B4GALNT3: variants seen among roughly 807,000 people sequenced by gnomAD.
B4GALNT3 encodes the protein beta-1,4-N-acetylgalactosaminyltransferase 3.
In B4GALNT3, 86 loss-of-function variants were observed where a neutral mutation model predicts 120.2. The ratio of observed to expected loss-of-function variants is 0.72; its 90% CI spans 0.60 to 0.86. The LOEUF (loss-of-function observed/expected upper bound fraction) is 0.86. B4GALNT3 is among the 40% of genes least tolerant of loss of function. B4GALNT3 has a pLI of 0.00. For synonymous variants in B4GALNT3, 518 were observed against 510.4 expected (o/e 1.01, Z -0.20); for missense variants, 1,167 against 1,298.9 (o/e 0.90, Z 1.56).
Position 548,473 on chromosome 12 carries a change from C to G in B4GALNT3, c.853+176C>G, listed in dbSNP as rs1362394170. On this transcript the variant is annotated intron_variant, in intron 9 of 19. Transcript: ENST00000266383. This position sits in a 1 kb window ranked among gnomAD's most constrained non-coding sequence, Gnocchi z 4.9. ...CCTTATGACCAGGAGTCCTTAACTCCCCAGGGTCAGTGACCCCTTTGAGAA... is the reference window on the plus strand; with the variant it reads ...CCTTATGACCAGGAGTCCTTAACTCGCCAGGGTCAGTGACCCCTTTGAGAA... 6.6e-6 allele frequency among the ~76,000 whole-genome samples: 1 copy of G among 152,130 alleles called. No homozygotes were observed. Among genetic ancestry groups the G allele is most frequent in the East Asian group, 1.9e-4 (1 of 5,192 alleles).
rs747899259 is a variant in B4GALNT3 at position 561,293 on chromosome 12, C to T, written c.2889-50C>T. Reference sequence around the variant, plus strand: ...CTGTGGTCGATGGGGAGGGGCCCCCCAGCTGCCTTCTGTGCTTCTGTTGGC... The same window carrying T: ...CTGTGGTCGATGGGGAGGGGCCCCCTAGCTGCCTTCTGTGCTTCTGTTGGC... On this transcript the variant is annotated intron_variant, in intron 19 of 19. Coordinates refer to ENST00000266383, the MANE Select transcript of B4GALNT3 (RefSeq NM_173593.4). 1.0e-5 allele frequency: 15 copies of T among 1,485,716 alleles called. No individual in the cohort carries two copies. In the South Asian group the frequency reaches 1.6e-4, roughly 16 times the overall value. The allele number at this position is 1,485,716 out of a possible 1,614,324, so 92.0% of individuals were successfully genotyped here.
chr12:460,394 C>T lies in B4GALNT3; in HGVS notation c.18C>T (p.Ala6=), dbSNP rs1362045165. MGSPR[A]ARPPLLLRPV... ...GCAGCGCCATGGGGAGCCCCCGGGC[C>T]GCGCGGCCCCCGCTGCTCCTGCGCC... Residue 6 remains alanine, a synonymous_variant, in exon 1 of 20, where the codon GCC becomes GCT. Transcript: ENST00000266383. The surrounding 1 kb of genome is among the most constrained non-coding windows in gnomAD (Gnocchi z 8.0). 1.4e-6 allele frequency: 2 copies of T among 1,479,568 alleles called. No individual in the cohort carries two copies. The highest frequency in any genetic ancestry group is 1.8e-6 in the Non-Finnish European group (2 of 1,116,712). 91.7% of individuals were successfully genotyped at this position (1,479,568 alleles called of 1,614,324 possible). A position where few individuals can be genotyped will look rare whatever the true frequency, so the allele number is the denominator to read the frequency against.
chr12:496,424 ACC>A (rs1356808493), intron 1 of B4GALNT3, among the ~76,000 whole-genome samples: 1 of 152,060 alleles, frequency 6.6e-6, no homozygotes, highest in Non-Finnish European at 1.5e-5. Context: ...ACATGGTGAA[ACC>A]CCGTATCTAC....
chr12:522,940 TTAAA>T (rs142478285), intron 1 of B4GALNT3, among the ~76,000 whole-genome samples: 2,233 of 77,046 alleles, frequency 0.029, 96 homozygotes, highest in African/African-American at 0.087. Flanking sequence ...GAGACTCTGT[TTAAA>T]AAAAAAAAAA....
chr12:548,123 G>C lies in B4GALNT3; in HGVS notation c.786+21G>C. 6.2e-7 allele frequency: 1 copy of C among 1,612,314 alleles called. No individual in the cohort carries two copies. The highest frequency in any genetic ancestry group is 1.1e-5 in the South Asian group (1 of 91,030). On this transcript the variant is annotated intron_variant, in intron 8 of 19. Transcript: ENST00000266383. The surrounding 1 kb of genome is among the most constrained non-coding windows in gnomAD (Gnocchi z 4.9). ...TTGCAGTGAGTTTCCTGCTGCTCCC[G>C]CCTCTCCCAGCTCAGTTCCTGGCAC...
intron 1 of B4GALNT3, among the ~76,000 whole-genome samples, chr12:485,674 C>T (rs796707212): frequency 9.9e-5 from 15 of 152,262 alleles, no homozygotes; most frequent in Admixed American, 3.3e-4. Flanking sequence ...TATGATTTAT[C>T]GACACTCACG....
At chr12:542,480 G>C (rs188946276) in intron 3 of B4GALNT3, among the ~76,000 whole-genome samples, 1 of 152,216 alleles carries the variant, frequency 6.6e-6, no homozygotes, top group African/African-American at 2.4e-5. Flanking sequence ...TGGGCATGGC[G>C]GGGAGGCCAG....
Position 550,994 on chromosome 12 carries a change from A to AT in B4GALNT3, c.1071dup (p.Gly358TrpfsTer22), listed in dbSNP as rs1260642945. 6.2e-7 allele frequency: 1 copy of AT among 1,613,876 alleles called. No individual in the cohort carries two copies. The highest frequency in any genetic ancestry group is 2.2e-5 in the East Asian group (1 of 44,898). ...CCCTACAAACCCAGCTATCTGGTGG[A>AT]TGGGCTTCCTCTGCAGCGCTACCAG... On this transcript the variant is annotated frameshift_variant, in exon 11 of 20. Transcript: ENST00000266383. LOFTEE classifies it high-confidence loss of function. The surrounding 1 kb of genome is among the most constrained non-coding windows in gnomAD (Gnocchi z 4.1).
intron 1 of B4GALNT3, among the ~76,000 whole-genome samples, chr12:484,359 G>A (rs985130208): frequency 6.6e-6 from 1 of 152,186 alleles, no homozygotes; most frequent in African/African-American, 2.4e-5. Context: ...GTTGGCACGT[G>A]CCACGGTTAT....
At chr12:494,954 A>C (rs1222402754) in intron 1 of B4GALNT3, among the ~76,000 whole-genome samples, 4 of 152,198 alleles carry the variant, frequency 2.6e-5, no homozygotes, top group African/African-American at 9.7e-5. Flanking sequence ...CAAGTGAGGA[A>C]ACCTGGGTAT....
At chr12:462,740 T>A (rs1036553484) in intron 1 of B4GALNT3, among the ~76,000 whole-genome samples, 1 of 152,172 alleles carries the variant, frequency 6.6e-6, no homozygotes, top group African/African-American at 2.4e-5. Flanking sequence ...TCCCGTTATA[T>A]TCTACTCTCG....
In B4GALNT3 at chr12:544,954, C is replaced by T. The variant is rs1451363582; in HGVS notation, c.520C>T (p.Leu174=). 2 of 1,614,012 alleles carry T rather than the reference C, an allele frequency of 1.2e-6. No homozygotes were observed. Among genetic ancestry groups the T allele is most frequent in the Non-Finnish European group, 1.7e-6 (2 of 1,179,976 alleles). ...TNYGLRIFGY[L]HPFTDGKIQF... ...CTATGGCCTCCGCATCTTTGGCTAC[C>T]TGCACCCCTTTACTGATGGTGAGGC... The change falls in exon 5 of 20, where the codon CTG becomes TTG. Residue 174 remains leucine (L), a synonymous_variant. Transcript: ENST00000266383.
At chr12:536,445 C>A in intron 3 of B4GALNT3, 150 bp downstream of exon 3, 3 of 552,712 alleles carry the variant, frequency 5.4e-6, no homozygotes, top group Non-Finnish European at 9.2e-6. Flanking sequence ...ATGGATAATT[C>A]CAGAGATCAC....
chr12:504,410 C>T (rs116310038), intron 1 of B4GALNT3, among the ~76,000 whole-genome samples: 3,532 of 151,458 alleles, frequency 0.023, 121 homozygotes, highest in African/African-American at 0.073. Flanking sequence ...AATCATGAAA[C>T]GTGTCTCAAA....
chr12:505,796 G>T (rs774746632), intron 1 of B4GALNT3, among the ~76,000 whole-genome samples: 1 of 152,144 alleles, frequency 6.6e-6, no homozygotes, highest in African/African-American at 2.4e-5. Flanking sequence ...CTGCTTCTGG[G>T]GTTGATAGGA....
intron 1 of B4GALNT3, among the ~76,000 whole-genome samples, chr12:474,723 G>T (rs1295084966): frequency 6.6e-6 from 1 of 152,100 alleles, no homozygotes; most frequent in Non-Finnish European, 1.5e-5. Flanking sequence ...ATTTTGGGAG[G>T]CTGAGATGGG....
At chr12:517,535 C>T (rs999550183) in intron 1 of B4GALNT3, among the ~76,000 whole-genome samples, 18 of 152,062 alleles carry the variant, frequency 1.2e-4, no homozygotes, top group African/African-American at 3.9e-4. Context: ...TCTTTAGGGA[C>T]AGTGATGTTA....
At chr12:473,785 T>G (rs1304940165) in intron 1 of B4GALNT3, among the ~76,000 whole-genome samples, 1 of 151,980 alleles carries the variant, frequency 6.6e-6, no homozygotes, top group Non-Finnish European at 1.5e-5. Context: ...GTTGGAAGAG[T>G]TTGCCATCAC....
chr12:512,970 TCCAC>T (rs1946610160), intron 1 of B4GALNT3, among the ~76,000 whole-genome samples: 40 of 140,308 alleles, frequency 2.9e-4, no homozygotes, highest in South Asian at 7.3e-4. Flanking sequence ...CCTTCCACTT[TCCAC>T]CTTCCACCTT....
Sources: gnomAD v4.1 joint callset for allele counts (sites outside exome capture counted in the v4.1 genomes callset) on GRCh38, gnomAD v4.1.1 for gene constraint, Gnocchi (gnomAD v3.1) non-coding constraint, MANE v1.5 for transcripts, NCBI Gene and HGNC (gene_info 2026-07-23, HGNC 2026-07-21) for gene names.